The following DLG2 variants were observed in gnomAD, a reference collection of about 807,000 sequenced individuals.
DLG2 encodes the protein discs large MAGUK scaffold protein 2.
A neutral mutation model predicts 132.5 loss-of-function variants in DLG2; 45 were observed. The ratio of observed to expected loss-of-function variants is 0.34; its 90% CI spans 0.27 to 0.44. The LOEUF (loss-of-function observed/expected upper bound fraction) is 0.44. DLG2 is among the 20% of genes least tolerant of loss of function. The pLI is 1.00. For missense variants in DLG2, 1,045 were observed against 1,196.9 expected, an observed-to-expected ratio of 0.87 and a Z score of 1.87; for synonymous variants, 424 against 419.6, an observed-to-expected ratio of 1.01 and a Z score of -0.13.
At chr11:85,004,406 G>T (rs1246996024) in intron 6 of DLG2, among the ~76,000 whole-genome samples, 3 of 151,944 alleles carry the variant, frequency 2.0e-5, no homozygotes, top group Non-Finnish European at 2.9e-5. Context: ...TTTAATGATC[G>T]CCATTCTAGC....
At chr11:84,606,277 G>A (rs769585752) in intron 6 of DLG2, among the ~76,000 whole-genome samples, 36 of 152,128 alleles carry the variant, frequency 2.4e-4, no homozygotes, top group Admixed American at 1.0e-3. Flanking sequence ...TGGATAAACC[G>A]CAGCATATTC....
At chr11:84,997,094 A>G (rs2057726689) in intron 6 of DLG2, 1 of 153,158 alleles carries the variant, frequency 6.5e-6, no homozygotes, top group Non-Finnish European at 1.5e-5. Context: ...GTTTGCTTCT[A>G]AATACAGTAG....
At chr11:84,056,138 T>C (rs867711462) in intron 11 of DLG2, among the ~76,000 whole-genome samples, 1 of 152,058 alleles carries the variant, frequency 6.6e-6, no homozygotes, top group Non-Finnish European at 1.5e-5. Flanking sequence ...ACATGTACCA[T>C]GGTGGTTTGC....
intron 3 of DLG2, among the ~76,000 whole-genome samples, chr11:85,331,174 T>A (rs2152839734): frequency 6.6e-6 from 1 of 152,344 alleles, no homozygotes; most frequent in South Asian, 2.1e-4. Flanking sequence ...TTTTGTAGTA[T>A]GTTGTCATGG....
intron 19 of DLG2, among the ~76,000 whole-genome samples, chr11:83,580,912 TCCC>T (rs2096964176): frequency 1.2e-5 from 1 of 82,820 alleles, no homozygotes; most frequent in African/African-American, 4.5e-5. Flanking sequence ...TCCCCTCCCC[TCCC>T]CTTTCCCTCC....
In DLG2 at chr11:83,811,667, T is replaced by A. The variant is rs571894856; in HGVS notation, c.1722+21947A>T. 2.3e-3 allele frequency among the ~76,000 whole-genome samples: 348 copies of A among 152,236 alleles called. 2 individuals carry two copies. The highest frequency in any genetic ancestry group is 7.8e-3 in the African/African-American group (326 of 41,550). ...AGTTTTAGGAAGTTTAAATTTGAGT[T>A]AAATGTTGTGAAAATTTTAGCCTCA... is the stretch of plus-strand genomic sequence containing the variant. On this transcript the variant is annotated intron_variant, in intron 17 of 27. Coordinates refer to ENST00000376104, the MANE Select transcript of DLG2 (RefSeq NM_001142699.3).
At chr11:85,557,985 G>A (rs541805922) in intron 3 of DLG2, among the ~76,000 whole-genome samples, 43 of 151,958 alleles carry the variant, frequency 2.8e-4, no homozygotes, top group African/African-American at 1.0e-3. Flanking sequence ...AAGAGTTTCT[G>A]CACAGCAAAA....
intron 6 of DLG2, among the ~76,000 whole-genome samples, chr11:84,786,413 GA>G (rs1490032181): frequency 3.4e-4 from 51 of 152,160 alleles, no homozygotes; most frequent in Non-Finnish European, 2.5e-4. Context: ...TAGAAATTCT[GA>G]AAGCCACAAA....
intron 16 of DLG2, among the ~76,000 whole-genome samples, chr11:83,868,360 CT>C (rs1308411689): frequency 1.3e-5 from 2 of 152,056 alleles, no homozygotes; most frequent in Non-Finnish European, 2.9e-5. Context: ...AAACATAAAT[CT>C]TTTTGGGGGG....
intron 7 of DLG2, among the ~76,000 whole-genome samples, chr11:84,533,218 C>T (rs1438963262): frequency 6.6e-6 from 1 of 152,184 alleles, no homozygotes; most frequent in Non-Finnish European, 1.5e-5. Context: ...AATATACATT[C>T]CTGTCAGTTA....
At chr11:84,730,562 A>G (rs1368024969) in intron 6 of DLG2, among the ~76,000 whole-genome samples, 1 of 152,038 alleles carries the variant, frequency 6.6e-6, no homozygotes, top group Non-Finnish European at 1.5e-5. Flanking sequence ...CAAATTGATC[A>G]TTGTCAAAAA....
chr11:84,955,839 C>G (rs949446945), intron 6 of DLG2: 1 of 152,156 alleles, frequency 6.6e-6, no homozygotes, highest in Non-Finnish European at 1.5e-5. Context: ...AAATAACTTA[C>G]AAATGGGTAC....
At chr11:84,134,045 T>G (rs1274155061) in intron 9 of DLG2, among the ~76,000 whole-genome samples, 1 of 152,108 alleles carries the variant, frequency 6.6e-6, no homozygotes, top group Non-Finnish European at 1.5e-5. Context: ...CCTTTCTTCC[T>G]TCAGGTATTT....
chr11:84,494,285 A>G (rs2154498977), intron 7 of DLG2, among the ~76,000 whole-genome samples: 2 of 152,300 alleles, frequency 1.3e-5, no homozygotes, highest in South Asian at 4.1e-4. Context: ...GGCTTGAACC[A>G]CTGTGCACCT....
chr11:85,392,643 A>G (rs900276694), intron 3 of DLG2, among the ~76,000 whole-genome samples: 2 of 152,168 alleles, frequency 1.3e-5, no homozygotes, highest in African/African-American at 4.8e-5. Flanking sequence ...ATGGAACACA[A>G]TAGAGAACGC....
At chr11:84,506,145 G>A (rs1476250376) in intron 7 of DLG2, among the ~76,000 whole-genome samples, 2 of 143,702 alleles carry the variant, frequency 1.4e-5, no homozygotes, top group East Asian at 4.0e-4. Context: ...GCGGGATCTC[G>A]GCTCACTGCA....
At chr11:83,532,496 C>T (rs971002371) in intron 21 of DLG2, among the ~76,000 whole-genome samples, 1 of 152,154 alleles carries the variant, frequency 6.6e-6, no homozygotes, top group African/African-American at 2.4e-5. Context: ...CTTCTGCTAA[C>T]CACTTGCAGC....
At chr11:83,963,130 GC>G in intron 13 of DLG2, 107 bp from the exon 14 acceptor site, 1 of 1,285,938 alleles carries the variant, frequency 7.8e-7, no homozygotes, top group Non-Finnish European at 1.1e-6. Context: ...TTTGCTGCAT[GC>G]CAAGGTTTTT....
intron 6 of DLG2, among the ~76,000 whole-genome samples, chr11:84,550,113 TATACACAC>T (rs2099398806): frequency 1.6e-5 from 2 of 125,860 alleles, no homozygotes; most frequent in African/African-American, 6.4e-5. Flanking sequence ...AAAACGAGCC[TATACACAC>T]ACACACACAC....
Sources: allele counts gnomAD v4.1 joint callset (sites outside exome capture counted in the v4.1 genomes callset), GRCh38; gene constraint gnomAD v4.1.1; transcripts MANE v1.5; gene names NCBI Gene and HGNC (gene_info 2026-07-23, HGNC 2026-07-21).